SNX29: variants seen among roughly 807,000 people sequenced by gnomAD.
SNX29 encodes sorting nexin-29.
In SNX29, 78 loss-of-function variants were observed where a neutral mutation model predicts 102.1. The ratio of observed to expected loss-of-function variants is 0.76; its 90% CI spans 0.64 to 0.92. The LOEUF (loss-of-function observed/expected upper bound fraction) is 0.92. SNX29 is among the 40% of genes least tolerant of loss of function. The pLI is 0.00. For missense variants in SNX29, 1,280 were observed against 1,061.7 expected (o/e 1.21, Z -2.86); for synonymous variants, 580 against 414.5 (o/e 1.40, Z -4.85).
rs71711881 is a variant in SNX29 at position 12,571,687 on chromosome 16, T to TGA, written c.*3063_*3064dup. The TGA allele has an allele frequency of 1.0e-5, 11 of 1,058,930 alleles. No individual in the cohort carries two copies. Among genetic ancestry groups the TGA allele is most frequent in the Middle Eastern group, 4.2e-4 (1 of 2,366 alleles). 65.6% of individuals were successfully genotyped at this position (1,058,930 alleles called of 1,614,324 possible). A position where few individuals can be genotyped will look rare whatever the true frequency, so the allele number is the denominator to read the frequency against. ...AGGGCTGGGCAGAGGTGTCTCTCCT[T>TGA]GAGAGACAACAAAAGCTTCTAAGGG... On this transcript the variant is annotated 3_prime_UTR_variant, in exon 21 of 21. Transcript: ENST00000566228.
rs191843137 is a variant in SNX29, at chr16:12,360,075, C to A, written c.1899+3796C>A. Among the ~76,000 whole-genome samples the A allele has an allele frequency of 1.3e-5, 2 of 152,234 alleles. 1 individual carries two copies. On this transcript the variant is annotated intron_variant, in intron 16 of 20. Transcript: ENST00000566228. Reference sequence around the variant, plus strand: ...CTGATCTCGAGTGATCTGCCCGCCTCGGCCTCCCAGAGTGCTGGGATTACT... The same window carrying A: ...CTGATCTCGAGTGATCTGCCCGCCTAGGCCTCCCAGAGTGCTGGGATTACT...
intron 18 of SNX29, among the ~76,000 whole-genome samples, chr16:12,455,579 G>A (rs1478781504): frequency 6.6e-6 from 1 of 152,210 alleles, no homozygotes; most frequent in East Asian, 1.9e-4. Flanking sequence ...TTCTTCCTCT[G>A]TCTTAGGTGA....
At chr16:12,035,012 A>G (rs1596651266) in intron 4 of SNX29, among the ~76,000 whole-genome samples, 1 of 149,222 alleles carries the variant, frequency 6.7e-6, no homozygotes, top group East Asian at 1.9e-4. Context: ...CTCCACCTCA[A>G]AAAAAAAAAG....
At chr16:12,055,125 G>A (rs569695152) in intron 8 of SNX29, among the ~76,000 whole-genome samples, 1 of 152,022 alleles carries the variant, frequency 6.6e-6, no homozygotes, top group African/African-American at 2.4e-5. Flanking sequence ...CGTTCTGTGT[G>A]TGGATGTGTG....
intron 12 of SNX29, 96 bp downstream of exon 12, chr16:12,126,792 T>G: frequency 3.0e-6 from 4 of 1,341,462 alleles, no homozygotes; most frequent in Non-Finnish European, 4.2e-6. Context: ...TTTTGCTTTC[T>G]TGGCAAAAAT....
chr16:12,260,603 C>T lies in SNX29; in HGVS notation c.1679-17330C>T, dbSNP rs143359882. Among the ~76,000 whole-genome samples the T allele has an allele frequency of 4.9e-3, 654 of 134,528 alleles. 3 individuals are homozygous for T. The highest frequency in any genetic ancestry group is 7.7e-3 in the Admixed American group (100 of 13,022). The allele number at this position is 134,528 out of a possible 152,430, so 88.3% of individuals were successfully genotyped here. On this transcript the variant is annotated intron_variant, in intron 14 of 20. Transcript: ENST00000566228. ...CATGTCCTCCTGGTCTCTTGGAGTG[C>T]GTTCCACCTTCTCCGTCTGCTTGCT...
intron 14 of SNX29, among the ~76,000 whole-genome samples, chr16:12,264,758 ACT>A (rs1171243411): frequency 2.0e-5 from 3 of 149,508 alleles, no homozygotes; most frequent in Non-Finnish European, 4.5e-5. Flanking sequence ...CTCCAACGAG[ACT>A]CTGTTTCAAA....
At chr16:12,241,856 C>G (rs887384032) in intron 14 of SNX29, among the ~76,000 whole-genome samples, 1 of 152,182 alleles carries the variant, frequency 6.6e-6, no homozygotes, top group African/African-American at 2.4e-5. Flanking sequence ...CTCCTTATGG[C>G]TAGAGGATGA....
chr16:12,453,354 G>C (rs1190260518), intron 18 of SNX29, among the ~76,000 whole-genome samples: 1 of 152,192 alleles, frequency 6.6e-6, no homozygotes, highest in African/African-American at 2.4e-5. Context: ...CTCTAGACTT[G>C]GCAGGTTTGC....
intron 1 of SNX29, among the ~76,000 whole-genome samples, chr16:11,987,528 C>A (rs2055679623): frequency 6.6e-6 from 1 of 151,712 alleles, no homozygotes; most frequent in Non-Finnish European, 1.5e-5. Flanking sequence ...TCCCGAGTAG[C>A]TGGGACTACA....
intron 1 of SNX29, among the ~76,000 whole-genome samples, chr16:11,993,608 C>T (rs912650197): frequency 6.6e-6 from 1 of 152,048 alleles, no homozygotes; most frequent in Non-Finnish European, 1.5e-5. Context: ...TATGATGAGC[C>T]TGAAGGAGGG....
intron 18 of SNX29, among the ~76,000 whole-genome samples, chr16:12,476,441 T>C (rs1304611061): frequency 4.4e-5 from 4 of 90,800 alleles, no homozygotes; most frequent in Non-Finnish European, 6.1e-5. Context: ...TATATATATA[T>C]ATGATGAGAA....
Position 12,540,353 on chromosome 16 carries a change from C to T in SNX29, c.2318+15512C>T, listed in dbSNP as rs146369286. Among the ~76,000 whole-genome samples the T allele has an allele frequency of 3.8e-3, 582 of 152,252 alleles. 4 individuals carry two copies. The highest frequency in any genetic ancestry group is 0.013 in the African/African-American group (545 of 41,548). On this transcript the variant is annotated intron_variant, in intron 20 of 20. Transcript: ENST00000566228. ...TTATGATTAAAGAGGAACGTTATCC[C>T]CTGTATTAATTTCTTATTGTTGCCC... is the stretch of plus-strand genomic sequence containing the variant.
chr16:12,536,596 C>A (rs567667174), intron 20 of SNX29, among the ~76,000 whole-genome samples: 1 of 152,162 alleles, frequency 6.6e-6, no homozygotes, highest in Non-Finnish European at 1.5e-5. Context: ...GCACAGAGAA[C>A]GCACTAACTA....
intron 3 of SNX29, among the ~76,000 whole-genome samples, chr16:12,025,754 C>T (rs1462877248): frequency 1.3e-5 from 2 of 152,050 alleles, no homozygotes; most frequent in Non-Finnish European, 2.9e-5. Flanking sequence ...GTAGTGTAGA[C>T]AGAATGACGA....
intron 19 of SNX29, among the ~76,000 whole-genome samples, chr16:12,520,252 C>G (rs2090046686): frequency 6.6e-6 from 1 of 152,212 alleles, no homozygotes; most frequent in South Asian, 2.1e-4. Context: ...CAGGCTTCCT[C>G]CTCTTCACAA....
At chr16:12,255,206 A>AT (rs1404183628) in intron 14 of SNX29, among the ~76,000 whole-genome samples, 2 of 151,746 alleles carry the variant, frequency 1.3e-5, no homozygotes, top group Admixed American at 6.6e-5. Context: ...GTATTTTTTT[A>AT]TTTTTTTGAG....
At chr16:12,538,163 T>C (rs1334550116) in intron 20 of SNX29, among the ~76,000 whole-genome samples, 4 of 152,176 alleles carry the variant, frequency 2.6e-5, no homozygotes, top group African/African-American at 9.7e-5. Context: ...TCACCCAGAA[T>C]AGAGTGCAGT....
At chr16:12,549,001 C>G (rs572638855) in intron 20 of SNX29, among the ~76,000 whole-genome samples, 4 of 152,292 alleles carry the variant, frequency 2.6e-5, no homozygotes, top group African/African-American at 9.6e-5. Context: ...TGCTTTGGGT[C>G]CGTTGTAACA....
Sources: allele counts gnomAD v4.1 joint callset (sites outside exome capture counted in the v4.1 genomes callset), GRCh38; gene constraint gnomAD v4.1.1; transcripts MANE v1.5; gene names NCBI Gene and HGNC (gene_info 2026-07-23, HGNC 2026-07-21).